The following DLG2 variants were observed in gnomAD, a reference collection of about 807,000 sequenced individuals.
DLG2 encodes disks large homolog 2.
In DLG2, 45 loss-of-function variants were observed where a neutral mutation model predicts 132.5. The ratio of observed to expected loss-of-function variants is 0.34; its 90% CI spans 0.27 to 0.44. DLG2 has a LOEUF of 0.44. Among genes scored for constraint, DLG2 ranks in the 20% least tolerant of loss-of-function variants. DLG2 has a pLI of 1.00. For missense variants in DLG2, 1,045 were observed against 1,196.9 expected (o/e 0.87, Z 1.87); for synonymous variants, 424 against 419.6 (o/e 1.01, Z -0.13).
At chr11:85,092,815 G>T (rs901292251) in intron 6 of DLG2, among the ~76,000 whole-genome samples, 1 of 151,948 alleles carries the variant, frequency 6.6e-6, no homozygotes, top group East Asian at 1.9e-4. Flanking sequence ...GCTAATTTTT[G>T]TATTTTTAGT....
At chr11:84,881,907 A>C (rs1600704506) in intron 6 of DLG2, among the ~76,000 whole-genome samples, 1 of 152,134 alleles carries the variant, frequency 6.6e-6, no homozygotes, top group South Asian at 2.1e-4. Flanking sequence ...GGATTAATTA[A>C]AGTTTCAAAA....
intron 6 of DLG2, among the ~76,000 whole-genome samples, chr11:84,793,662 C>T (rs1205341211): frequency 6.6e-6 from 1 of 152,136 alleles, no homozygotes; most frequent in Non-Finnish European, 1.5e-5. Context: ...AATTACCTTC[C>T]TTGTTTCTCC....
chr11:85,249,843 G>C (rs897071006), intron 4 of DLG2, among the ~76,000 whole-genome samples: 4 of 152,084 alleles, frequency 2.6e-5, no homozygotes, highest in Non-Finnish European at 5.9e-5. Context: ...CCTTGTAGTG[G>C]GACTTCATTC....
chr11:83,594,318 G>T (rs901316743), intron 19 of DLG2, among the ~76,000 whole-genome samples: 2 of 152,138 alleles, frequency 1.3e-5, no homozygotes, highest in Admixed American at 1.3e-4. Flanking sequence ...AGCCCTGATT[G>T]GTATGTACTG....
intron 6 of DLG2, among the ~76,000 whole-genome samples, chr11:84,932,789 C>T (rs978568237): frequency 6.6e-6 from 1 of 152,032 alleles, no homozygotes; most frequent in African/African-American, 2.4e-5. Context: ...GGTTCTATGA[C>T]TTTGCTATTA....
At chr11:84,583,425 C>T (rs2099521370) in intron 6 of DLG2, among the ~76,000 whole-genome samples, 1 of 152,174 alleles carries the variant, frequency 6.6e-6, no homozygotes, top group African/African-American at 2.4e-5. Context: ...CAGGTAACTC[C>T]AGTGAAATGA....
At chr11:84,729,382 G>GTTTAGACACA (rs1366188148) in intron 6 of DLG2, among the ~76,000 whole-genome samples, 1 of 152,120 alleles carries the variant, frequency 6.6e-6, no homozygotes, top group African/African-American at 2.4e-5. Context: ...ATGTAGTTGT[G>GTTTAGACACA]TGGTTTTGAG....
chr11:84,916,927 TC>T (rs1467305378), intron 6 of DLG2, among the ~76,000 whole-genome samples: 1 of 152,200 alleles, frequency 6.6e-6, no homozygotes, highest in East Asian at 1.9e-4. Flanking sequence ...GTGTTTTAGG[TC>T]TTTACTCCAA....
At chr11:84,725,739 GC>G (rs1387367642) in intron 6 of DLG2, among the ~76,000 whole-genome samples, 1 of 151,918 alleles carries the variant, frequency 6.6e-6, no homozygotes, top group Non-Finnish European at 1.5e-5. Context: ...CTATAGCATT[GC>G]TATAAGGCTT....
chr11:84,914,809 A>G (rs1159640750), intron 6 of DLG2, among the ~76,000 whole-genome samples: 3 of 152,188 alleles, frequency 2.0e-5, no homozygotes, highest in African/African-American at 7.2e-5. Flanking sequence ...GTCCTTTCAC[A>G]TGTAAAAATA....
At position 84,819,415 on chromosome 11, in the gene DLG2, C is replaced by T. The variant is rs764500033; in HGVS notation, c.358-284684G>A. 3.3e-5 allele frequency among the ~76,000 whole-genome samples: 5 copies of T among 151,816 alleles called. No individual in the cohort carries two copies. The East Asian group carries it at 9.8e-4, about 30-fold the overall frequency. On this transcript the variant is annotated intron_variant, in intron 6 of 27. Transcript: ENST00000376104. ...ACACTGAGAAGAGAAAAGCCTTCAC[C>T]AGTCCTCTTCAGATTCAAATGTCAC...
intron 18 of DLG2, among the ~76,000 whole-genome samples, chr11:83,774,760 T>C (rs2094521911): frequency 6.6e-6 from 1 of 152,146 alleles, no homozygotes; most frequent in East Asian, 1.9e-4. Flanking sequence ...CTAGCTGTCA[T>C]TTACGCATGG....
At chr11:85,318,297 A>G (rs895824959) in intron 3 of DLG2, among the ~76,000 whole-genome samples, 1 of 151,908 alleles carries the variant, frequency 6.6e-6, no homozygotes. Flanking sequence ...CAATTTTCCA[A>G]TGTGGCCAAA....
rs111347643 is a variant in DLG2, at chr11:85,486,183, G to A, written c.40+112474C>T. ...GTTGTTGCTGCTGCAGCAGCTGCCAGTCCAAAAAGGGAAAGAGGAGACCAG... is the reference window on the plus strand; with the variant it reads ...GTTGTTGCTGCTGCAGCAGCTGCCAATCCAAAAAGGGAAAGAGGAGACCAG... On this transcript the variant is annotated intron_variant, in intron 3 of 27. Transcript: ENST00000376104. Among the ~76,000 whole-genome samples, 215 of 152,058 alleles carry A rather than the reference G, an allele frequency of 1.4e-3. 3 individuals are homozygous for A. The highest frequency in any genetic ancestry group is 4.9e-3 in the African/African-American group (203 of 41,472).
At chr11:83,686,647 A>G (rs1279320944) in intron 18 of DLG2, among the ~76,000 whole-genome samples, 1 of 152,166 alleles carries the variant, frequency 6.6e-6, no homozygotes. Context: ...TTAGTCCTAT[A>G]TCCTTACACA....
intron 2 of DLG2, among the ~76,000 whole-genome samples, chr11:85,610,147 T>C (rs899769885): frequency 1.1e-4 from 17 of 152,202 alleles, no homozygotes; most frequent in African/African-American, 4.1e-4. Flanking sequence ...CCCACCACTT[T>C]TCCTTATCAA....
chr11:84,026,527 T>C (rs2095539432), intron 11 of DLG2, among the ~76,000 whole-genome samples: 1 of 152,136 alleles, frequency 6.6e-6, no homozygotes, highest in African/African-American at 2.4e-5. Context: ...CTATAATTTA[T>C]TGGTAAAGAA....
At chr11:84,983,442 G>C (rs1664387357) in intron 6 of DLG2, among the ~76,000 whole-genome samples, 1 of 152,044 alleles carries the variant, frequency 6.6e-6, no homozygotes. Context: ...AAAAGGGGGA[G>C]AGTACTAATA....
intron 7 of DLG2, among the ~76,000 whole-genome samples, chr11:84,413,198 C>T (rs2098915997): frequency 6.6e-6 from 1 of 152,138 alleles, no homozygotes; most frequent in Admixed American, 6.5e-5. Context: ...CAGAGCCCAC[C>T]TAGGTCTATT....
Sources: gnomAD v4.1 joint callset for allele counts (sites outside exome capture counted in the v4.1 genomes callset) on GRCh38, gnomAD v4.1.1 for gene constraint, MANE v1.5 for transcripts, NCBI Gene and HGNC (gene_info 2026-07-23, HGNC 2026-07-21) for gene names.